The following ST6GAL2 variants were observed in gnomAD, a reference collection of about 807,000 sequenced individuals.
The protein encoded by ST6GAL2 is beta-galactoside alpha-2,6-sialyltransferase 2.
ST6GAL2 carries 24 observed loss-of-function variants against 37.5 expected under a neutral mutation model. The observed-to-expected ratio is 0.64, with a 90% CI of 0.46 to 0.90. The LOEUF (loss-of-function observed/expected upper bound fraction) is 0.90, where lower values mean the gene tolerates loss of function less well. Ranked by LOEUF, ST6GAL2 falls within the 40% of genes least tolerant of loss-of-function variation. ST6GAL2 has a pLI of 0.00. For missense variants in ST6GAL2, 715 were observed against 712.7 expected, an observed-to-expected ratio of 1.00 and a Z score of -0.04; for synonymous variants, 306 against 295.1, an observed-to-expected ratio of 1.04 and a Z score of -0.38.
intron 4 of ST6GAL2, 120 bp downstream of exon 4, chr2:106,832,445 A>G (rs944088228): frequency 1.7e-6 from 1 of 593,414 alleles, no homozygotes; most frequent in East Asian, 2.9e-5. Flanking sequence ...CATGCATTAA[A>G]TTGATATTGA....
In ST6GAL2 at chr2:106,802,471, T is replaced by C. The variant is rs1411251781; in HGVS notation, c.*4207A>G. On this transcript the variant is annotated 3_prime_UTR_variant, in exon 6 of 6. Coordinates refer to ENST00000409382, the MANE Select transcript of ST6GAL2 (RefSeq NM_001142351.2). ...CTTTTTTTTTAACCAAAAGGCTTCA[T>C]TCATTTAATAAAACAAGAACTTACA... The C allele has an allele frequency of 6.6e-6, 1 of 152,186 alleles. No individual in the cohort carries two copies. Among genetic ancestry groups the C allele is most frequent in the Non-Finnish European group, 1.5e-5 (1 of 68,018 alleles). The allele number at this position is 152,186 out of a possible 1,614,324, so 9.4% of individuals were successfully genotyped here.
rs116878018 is a variant in ST6GAL2, at chr2:106,855,404, G to A, written c.-57-11370C>T. 7.6e-4 allele frequency among the ~76,000 whole-genome samples: 116 copies of A among 152,330 alleles called. 5 individuals carry two copies. The East Asian group carries it at 0.017, about 23-fold the overall frequency. On this transcript the variant is annotated intron_variant, in intron 1 of 5. Transcript: ENST00000409382. The stretch of plus-strand genomic sequence containing the variant: ...AAATCTCTTAGCTCCATCTCTGTGG[G>A]TAAACTTCCTGTGTAACAGTTGAGA...
chr2:106,828,474 G>C (rs1437779028), intron 5 of ST6GAL2, among the ~76,000 whole-genome samples: 1 of 152,146 alleles, frequency 6.6e-6, no homozygotes, highest in Admixed American at 6.5e-5. Flanking sequence ...GAGTTTAAAA[G>C]GGAGAAAAAA....
rs990966867 is a variant in ST6GAL2 at position 106,804,948 on chromosome 2, T to A, written c.*1730A>T. On this transcript the variant is annotated 3_prime_UTR_variant, in exon 6 of 6. Coordinates refer to ENST00000409382, the MANE Select transcript of ST6GAL2 (RefSeq NM_001142351.2). Reference sequence around the variant, plus strand: ...ATAGGACAAAGTTACCTATCCCTTCTCATTGACTTAATAACAAAACTCTCA... The same window carrying A: ...ATAGGACAAAGTTACCTATCCCTTCACATTGACTTAATAACAAAACTCTCA... 1 of 152,112 alleles carries A rather than the reference T, an allele frequency of 6.6e-6. No individual in the cohort carries two copies. Among genetic ancestry groups the A allele is most frequent in the African/African-American group, 2.4e-5 (1 of 41,432 alleles). 9.4% of individuals were successfully genotyped at this position (152,112 alleles called of 1,614,324 possible).
At chr2:106,883,421 A>C (rs1264634074) in intron 1 of ST6GAL2, among the ~76,000 whole-genome samples, 1 of 152,240 alleles carries the variant, frequency 6.6e-6, no homozygotes, top group Non-Finnish European at 1.5e-5. Context: ...GGTCATCTAC[A>C]GCCCATTCAG....
intron 1 of ST6GAL2, among the ~76,000 whole-genome samples, chr2:106,857,381 T>C (rs906846723): frequency 6.6e-6 from 1 of 152,068 alleles, no homozygotes. Flanking sequence ...GGTGGGAGGA[T>C]CATCTAAGGT....
intron 1 of ST6GAL2, among the ~76,000 whole-genome samples, chr2:106,860,619 T>C (rs1189966996): frequency 3.9e-5 from 6 of 152,116 alleles, no homozygotes; most frequent in Admixed American, 2.6e-4. Context: ...TTTATAAAGA[T>C]CAAACCACTT....
In ST6GAL2 at chr2:106,803,953, T is replaced by C. The variant is rs9308902; in HGVS notation, c.*2725A>G. The stretch of plus-strand genomic sequence containing the variant: ...CACTTAGGACCCATTTGGCTAATAC[T>C]AGAAGTAGTCATCAAGTTAACTGTA... On this transcript the variant is annotated 3_prime_UTR_variant, in exon 6 of 6. Transcript: ENST00000409382. 77,827 of 152,044 alleles carry C rather than the reference T, an allele frequency of 0.51. 20,790 individuals are homozygous for C. Among genetic ancestry groups the C allele is most frequent in the Non-Finnish European group, 0.57 (39,049 of 67,962 alleles). The allele number at this position is 152,044 out of a possible 1,614,324, so 9.4% of individuals were successfully genotyped here.
intron 5 of ST6GAL2, among the ~76,000 whole-genome samples, chr2:106,818,665 C>T (rs1675893832): frequency 6.6e-6 from 1 of 152,088 alleles, no homozygotes. Context: ...ATACCTAACA[C>T]TTGAATGCCC....
chr2:106,863,716 T>G (rs1677903475), intron 1 of ST6GAL2, among the ~76,000 whole-genome samples: 1 of 152,130 alleles, frequency 6.6e-6, no homozygotes, highest in African/African-American at 2.4e-5. Flanking sequence ...AACTGTAAAA[T>G]AAGAAGAGTA....
At chr2:106,817,805 C>T (rs912552478) in intron 5 of ST6GAL2, among the ~76,000 whole-genome samples, 1 of 152,204 alleles carries the variant, frequency 6.6e-6, no homozygotes, top group Non-Finnish European at 1.5e-5. Context: ...TCTCACACAG[C>T]ACTTCTTGAC....
intron 1 of ST6GAL2, among the ~76,000 whole-genome samples, chr2:106,852,243 C>T (rs564453412): frequency 7.3e-4 from 111 of 152,340 alleles, no homozygotes; most frequent in Admixed American, 6.9e-3. Context: ...CTAAGGAGTA[C>T]AGTCCTGCGG....
chr2:106,845,433 C>T (rs573272545), intron 1 of ST6GAL2, among the ~76,000 whole-genome samples: 1 of 151,730 alleles, frequency 6.6e-6, no homozygotes, highest in African/African-American at 2.4e-5. Flanking sequence ...GCAAGGAAGT[C>T]GTTAGTAGAA....
intron 2 of ST6GAL2, among the ~76,000 whole-genome samples, chr2:106,839,650 T>TC (rs1326552829): frequency 2.0e-5 from 3 of 152,050 alleles, no homozygotes; most frequent in African/African-American, 7.2e-5. Context: ...ACCCCCAGTC[T>TC]CTCCCTCCAT....
chr2:106,863,587 A>T (rs955281302), intron 1 of ST6GAL2, among the ~76,000 whole-genome samples: 4 of 152,156 alleles, frequency 2.6e-5, no homozygotes, highest in Admixed American at 2.6e-4. Context: ...AGTAGCCACT[A>T]TGGGGCACTG....
intron 1 of ST6GAL2, among the ~76,000 whole-genome samples, chr2:106,860,070 G>A (rs983760429): frequency 6.6e-6 from 1 of 151,962 alleles, no homozygotes; most frequent in Admixed American, 6.6e-5. Context: ...TCTAGAACCC[G>A]GCTTGGCTTC....
intron 1 of ST6GAL2, among the ~76,000 whole-genome samples, chr2:106,868,915 A>G (rs11124140): frequency 0.61 from 93,455 of 152,082 alleles, 30,051 homozygotes; most frequent in Non-Finnish European, 0.74. Context: ...GTGTCATTAC[A>G]TTCTGCTCTA....
chr2:106,881,215 C>T lies in ST6GAL2; in HGVS notation c.-58+4878G>A, dbSNP rs151170902. 3.9e-5 allele frequency among the ~76,000 whole-genome samples: 6 copies of T among 152,222 alleles called. 1 individual carries two copies. Among genetic ancestry groups the T allele is most frequent in the African/African-American group, 1.4e-4 (6 of 41,522 alleles). On this transcript the variant is annotated intron_variant, in intron 1 of 5. Coordinates refer to ENST00000409382, the MANE Select transcript of ST6GAL2 (RefSeq NM_001142351.2). Reference sequence around the variant, plus strand: ...ATGTTGCCCAGGCTAGTCTTAAACTCCTGGGCTCAAGCAATCGCCTGCATC... The same window carrying T: ...ATGTTGCCCAGGCTAGTCTTAAACTTCTGGGCTCAAGCAATCGCCTGCATC...
intron 2 of ST6GAL2, among the ~76,000 whole-genome samples, chr2:106,835,876 G>C (rs1029949506): frequency 6.6e-6 from 1 of 152,008 alleles, no homozygotes; most frequent in African/African-American, 2.4e-5. Flanking sequence ...CACAATTTAA[G>C]GATTTGTTCA....
Sources: gnomAD v4.1 joint callset for allele counts (sites outside exome capture counted in the v4.1 genomes callset) on GRCh38, gnomAD v4.1.1 for gene constraint, MANE v1.5 for transcripts, NCBI Gene and HGNC (gene_info 2026-07-23, HGNC 2026-07-21) for gene names.